The following C8orf34 variants were observed in gnomAD, a reference collection of about 807,000 sequenced individuals.
C8orf34 encodes chromosome 8 open reading frame 34.
In C8orf34, 65 loss-of-function variants were observed where a neutral mutation model predicts 68.3. That is an observed-to-expected ratio of 0.95 (90% confidence interval 0.78 to 1.17). The LOEUF (loss-of-function observed/expected upper bound fraction) is 1.17, where lower values mean the gene tolerates loss of function less well. Among genes scored for constraint, C8orf34 ranks in the 50% most tolerant of loss-of-function variants. The pLI, the probability that C8orf34 is intolerant of heterozygous loss-of-function variation, is 0.00. For missense variants in C8orf34, 664 were observed against 655.4 expected (o/e 1.01, Z -0.14); for synonymous variants, 244 against 241.2 (o/e 1.01, Z -0.11).
chr8:68,394,061 A>G (rs1808584224), intron 1 of C8orf34, among the ~76,000 whole-genome samples: 1 of 150,878 alleles, frequency 6.6e-6, no homozygotes, highest in Non-Finnish European at 1.5e-5. Flanking sequence ...TGCCACAGGC[A>G]GCAAAATTGA....
chr8:68,567,688 G>A (rs1816637385), intron 7 of C8orf34, among the ~76,000 whole-genome samples: 1 of 132,922 alleles, frequency 7.5e-6, no homozygotes, highest in South Asian at 2.3e-4. Flanking sequence ...TCCGCCTCCC[G>A]GGTTCTTGCC....
At chr8:68,594,035 T>G (rs139526384) in intron 7 of C8orf34, among the ~76,000 whole-genome samples, 37 of 152,278 alleles carry the variant, frequency 2.4e-4, no homozygotes, top group Non-Finnish European at 3.7e-4. Context: ...GACAGAAGTT[T>G]TTTTAAAAAT....
intron 9 of C8orf34, among the ~76,000 whole-genome samples, chr8:68,714,369 T>A (rs1399760611): frequency 6.6e-6 from 1 of 152,090 alleles, no homozygotes; most frequent in East Asian, 1.9e-4. Context: ...ATTGTATACC[T>A]AGAAAACTCT....
At chr8:68,573,233 T>G (rs1472256634) in intron 7 of C8orf34, among the ~76,000 whole-genome samples, 2 of 152,176 alleles carry the variant, frequency 1.3e-5, no homozygotes, top group Admixed American at 6.5e-5. Context: ...CACTTGAATT[T>G]CAGTTGTGCC....
At chr8:68,661,622 G>A (rs1198407297) in intron 8 of C8orf34, among the ~76,000 whole-genome samples, 3 of 152,160 alleles carry the variant, frequency 2.0e-5, no homozygotes, top group Admixed American at 6.5e-5. Flanking sequence ...TAAGCTGATG[G>A]GACTAGGTTC....
At chr8:68,502,083 T>A (rs1813798969) in intron 5 of C8orf34, among the ~76,000 whole-genome samples, 1 of 152,200 alleles carries the variant, frequency 6.6e-6, no homozygotes, top group Admixed American at 6.5e-5. Flanking sequence ...TGTTTATTCG[T>A]TTTTTGACAG....
chr8:68,453,044 C>T (rs1451903733), intron 3 of C8orf34, among the ~76,000 whole-genome samples: 1 of 151,896 alleles, frequency 6.6e-6, no homozygotes, highest in Admixed American at 6.6e-5. Context: ...ATTGAATAAT[C>T]TTGTCACCCC....
chr8:68,408,784 T>A (rs905327450), intron 1 of C8orf34, among the ~76,000 whole-genome samples: 2 of 152,032 alleles, frequency 1.3e-5, no homozygotes, highest in Non-Finnish European at 2.9e-5. Flanking sequence ...CTTTTGTTTG[T>A]TTTTTGTTTT....
intron 1 of C8orf34, among the ~76,000 whole-genome samples, chr8:68,416,732 T>C (rs1809686401): frequency 6.6e-6 from 1 of 152,036 alleles, no homozygotes; most frequent in Admixed American, 6.6e-5. Flanking sequence ...GGTTTCACCA[T>C]GTTGGCCAGG....
At position 68,644,153 on chromosome 8, in the gene C8orf34, G is replaced by A. The variant is rs147123755; in HGVS notation, c.1241+3642G>A. On this transcript the variant is annotated intron_variant, in intron 8 of 13. Coordinates refer to ENST00000518698, the MANE Select transcript of C8orf34 (RefSeq NM_052958.4). ...GAGAAAAGGTCTACAAATTAATTAT[G>A]AACTAAGTGGCATCACAGGAAAGAA... 6.0e-3 allele frequency among the ~76,000 whole-genome samples: 911 copies of A among 152,226 alleles called. 16 individuals carry two copies. Among genetic ancestry groups the A allele is most frequent in the African/African-American group, 0.021 (876 of 41,530 alleles).
chr8:68,444,457 GT>G (rs1265171007), intron 2 of C8orf34, among the ~76,000 whole-genome samples: 2 of 151,794 alleles, frequency 1.3e-5, no homozygotes, highest in African/African-American at 4.8e-5. Flanking sequence ...CTGTATTCTT[GT>G]TTTTTATTAA....
chr8:68,553,202 C>T (rs148209939), intron 7 of C8orf34, among the ~76,000 whole-genome samples: 44 of 151,464 alleles, frequency 2.9e-4, no homozygotes, highest in African/African-American at 9.0e-4. Context: ...TGGCTAACAC[C>T]GTGAAATCCT....
intron 12 of C8orf34, among the ~76,000 whole-genome samples, chr8:68,812,852 A>C (rs1469738798): frequency 6.6e-6 from 1 of 152,132 alleles, no homozygotes; most frequent in African/African-American, 2.4e-5. Flanking sequence ...GGAGGTCATA[A>C]CCTCTAGAAA....
intron 7 of C8orf34, among the ~76,000 whole-genome samples, chr8:68,633,850 C>T (rs1818761873): frequency 6.7e-6 from 1 of 149,220 alleles, no homozygotes; most frequent in Admixed American, 6.8e-5. Context: ...AGAGGCAGTA[C>T]TTTACCTTTT....
chr8:68,544,400 A>G (rs1815802090), intron 7 of C8orf34, among the ~76,000 whole-genome samples: 1 of 152,182 alleles, frequency 6.6e-6, no homozygotes, highest in Non-Finnish European at 1.5e-5. Context: ...CCTAAGAATG[A>G]GGAAAGCGTT....
chr8:68,473,778 C>T (rs1054141295), intron 4 of C8orf34, among the ~76,000 whole-genome samples: 1 of 152,202 alleles, frequency 6.6e-6, no homozygotes, highest in Non-Finnish European at 1.5e-5. Flanking sequence ...CGCACCTATA[C>T]TTCTGAAACT....
intron 5 of C8orf34, among the ~76,000 whole-genome samples, chr8:68,516,801 C>T (rs1039078342): frequency 1.3e-5 from 2 of 151,902 alleles, no homozygotes; most frequent in African/African-American, 4.8e-5. Context: ...CCACCACGCC[C>T]AGCTAATTTT....
At chr8:68,477,209 T>C (rs1232053668) in intron 4 of C8orf34, among the ~76,000 whole-genome samples, 1 of 152,218 alleles carries the variant, frequency 6.6e-6, no homozygotes, top group Admixed American at 6.5e-5. Flanking sequence ...GGAATGAAGC[T>C]AGAAGTCTGG....
chr8:68,521,665 G>A (rs1315659876), intron 5 of C8orf34, 134 bp from the exon 6 acceptor site: 2 of 706,138 alleles, frequency 2.8e-6, no homozygotes, highest in African/African-American at 3.6e-5. Flanking sequence ...AGAGTTGGAG[G>A]AAACTGAAGT....
Sources: gnomAD v4.1 joint callset for allele counts (sites outside exome capture counted in the v4.1 genomes callset) on GRCh38, gnomAD v4.1.1 for gene constraint, MANE v1.5 for transcripts, NCBI Gene and HGNC (gene_info 2026-07-23, HGNC 2026-07-21) for gene names.